CD28: variants seen among roughly 807,000 people sequenced by gnomAD.
The protein encoded by CD28 is CD28 molecule.
CD28 carries 8 observed loss-of-function variants against 21.4 expected under a neutral mutation model. The observed-to-expected ratio is 0.37, with a 90% confidence interval of 0.22 to 0.68. CD28 has a LOEUF of 0.68. Ranked by LOEUF, CD28 falls within the 30% of genes least tolerant of loss-of-function variation. The pLI is 0.55. For synonymous variants in CD28, 106 were observed against 104.0 expected (o/e 1.02, Z -0.12); for missense variants, 239 against 272.2 (o/e 0.88, Z 0.86).
At position 203,734,393 on chromosome 2, in the gene CD28, G is replaced by GA. The variant is rs572389674; in HGVS notation, c.535-386dup. Among the ~76,000 whole-genome samples, 11 of 152,310 alleles carry GA rather than the reference G, an allele frequency of 7.2e-5. No homozygotes were observed. The East Asian group carries it at 1.9e-3, about 27-fold the overall frequency. On this transcript the variant is annotated intron_variant, in intron 3 of 3. Coordinates refer to ENST00000324106, the MANE Select transcript of CD28 (RefSeq NM_006139.4). ...TGAAAGTCCTCTTCGGTTAATTATG[G>GA]AAAAACAGCTTGTTAAGCAAATGCT...
chr2:203,730,252 A>AT (rs200672863), intron 3 of CD28, among the ~76,000 whole-genome samples: 6 of 151,500 alleles, frequency 4.0e-5, no homozygotes, highest in African/African-American at 7.3e-5. Context: ...TCTGAGTCAT[A>AT]TTTTTTTTTC....
At chr2:203,734,615 T>C (rs946060778) in intron 3 of CD28, among the ~76,000 whole-genome samples, 169 bp from the exon 4 acceptor site, 10 of 152,100 alleles carry the variant, frequency 6.6e-5, no homozygotes, top group African/African-American at 2.4e-4. Context: ...ATGTGAAGAG[T>C]CAGTAGTTGG....
At position 203,736,252 on chromosome 2, in the gene CD28, T is replaced by G. The variant is rs901939985; in HGVS notation, c.*1340T>G. The stretch of plus-strand genomic sequence containing the variant: ...AGGGATGTTAGCATTCATTAGAGTA[T>G]GAGGATGAGTCCCAAGAAGGTTCTT... On this transcript the variant is annotated 3_prime_UTR_variant, in exon 4 of 4. Transcript: ENST00000324106. 6.6e-6 allele frequency: 1 copy of G among 152,576 alleles called. No individual in the cohort carries two copies. Among genetic ancestry groups the G allele is most frequent in the African/African-American group, 2.4e-5 (1 of 41,418 alleles). 9.5% of individuals were successfully genotyped at this position (152,576 alleles called of 1,614,324 possible).
At chr2:203,716,513 G>A (rs945413068) in intron 1 of CD28, among the ~76,000 whole-genome samples, 6 of 152,162 alleles carry the variant, frequency 3.9e-5, no homozygotes, top group African/African-American at 1.4e-4. Context: ...GAATGACGCT[G>A]TCACAGCAGA....
Position 203,706,667 on chromosome 2 carries a change from C to T in CD28, c.-30C>T. 6.2e-7 allele frequency: 1 copy of T among 1,614,036 alleles called. No homozygotes were observed. The highest frequency in any genetic ancestry group is 2.2e-5 in the East Asian group (1 of 44,856). Reference sequence around the variant, plus strand: ...CTTCGGGTTCCTCGGGGAGGAGGGGCTGGAACCCTAGCCCATCGTCAGGAC... The same window carrying T: ...CTTCGGGTTCCTCGGGGAGGAGGGGTTGGAACCCTAGCCCATCGTCAGGAC... On this transcript the variant is annotated 5_prime_UTR_variant, in exon 1 of 4. Transcript: ENST00000324106.
At chr2:203,721,973 G>T (rs140394450) in intron 1 of CD28, among the ~76,000 whole-genome samples, 42 of 152,148 alleles carry the variant, frequency 2.8e-4, no homozygotes, top group African/African-American at 9.9e-4. Flanking sequence ...CACTGTGTGT[G>T]CTGGGAGAGG....
At chr2:203,712,237 T>G (rs963849278) in intron 1 of CD28, among the ~76,000 whole-genome samples, 1 of 152,098 alleles carries the variant, frequency 6.6e-6, no homozygotes, top group Admixed American at 6.6e-5. Context: ...ACAAGTATTG[T>G]GTAGTACAAG....
Position 203,737,102 on chromosome 2 carries a change from C to T in CD28, c.*2190C>T, listed in dbSNP as rs199549955. The T allele has an allele frequency of 2.0e-5, 3 of 152,052 alleles. No individual in the cohort carries two copies. The highest frequency in any genetic ancestry group is 7.3e-5 in the African/African-American group (3 of 41,378). The allele number at this position is 152,052 out of a possible 1,614,324, so 9.4% of individuals were successfully genotyped here. ...TTATCTTGTAATGAAATATAAGGCA[C>T]CTCCCACTTTTATGTATAGAAAGAG... On this transcript the variant is annotated 3_prime_UTR_variant, in exon 4 of 4. Transcript: ENST00000324106.
At chr2:203,720,104 T>C (rs1212579153) in intron 1 of CD28, among the ~76,000 whole-genome samples, 2 of 152,170 alleles carry the variant, frequency 1.3e-5, no homozygotes. Flanking sequence ...AGATTATCTG[T>C]GGGAAATCTT....
intron 1 of CD28, among the ~76,000 whole-genome samples, chr2:203,721,446 C>T (rs755322852): frequency 1.3e-5 from 2 of 151,838 alleles, no homozygotes; most frequent in Admixed American, 6.6e-5. Context: ...TTCCCCAAGT[C>T]GGCCACACTC....
intron 1 of CD28, among the ~76,000 whole-genome samples, chr2:203,712,566 A>G (rs1022652894): frequency 6.6e-6 from 1 of 152,172 alleles, no homozygotes; most frequent in African/African-American, 2.4e-5. Context: ...CCACTAGACT[A>G]TGAACTCCTT....
At position 203,738,559 on chromosome 2, in the gene CD28, A is replaced by G. The variant is rs1163369249; in HGVS notation, c.*3647A>G. On this transcript the variant is annotated 3_prime_UTR_variant, in exon 4 of 4. Transcript: ENST00000324106. Reference sequence around the variant, plus strand: ...GATATATGCATACTTTCTGACATATAGGAATGTATCAGGAATACTCAACCA... The same window carrying G: ...GATATATGCATACTTTCTGACATATGGGAATGTATCAGGAATACTCAACCA... The G allele has an allele frequency of 6.6e-6, 1 of 152,186 alleles. No individual in the cohort carries two copies. The allele number at this position is 152,186 out of a possible 1,614,324, so 9.4% of individuals were successfully genotyped here. A position where few individuals can be genotyped will look rare whatever the true frequency, so the allele number is the denominator to read the frequency against.
intron 2 of CD28, 150 bp downstream of exon 2, chr2:203,727,139 C>T: frequency 1.6e-6 from 1 of 618,506 alleles, no homozygotes; most frequent in Non-Finnish European, 2.9e-6. Context: ...AAAATTTTTC[C>T]CTTTACTGTA....
At chr2:203,716,588 T>G (rs1345857772) in intron 1 of CD28, among the ~76,000 whole-genome samples, 1 of 152,226 alleles carries the variant, frequency 6.6e-6, no homozygotes, top group Non-Finnish European at 1.5e-5. Flanking sequence ...TACTCATTGA[T>G]TGTTTTTGAT....
intron 1 of CD28, among the ~76,000 whole-genome samples, chr2:203,707,163 A>G (rs899213078): frequency 3.3e-5 from 5 of 151,762 alleles, no homozygotes; most frequent in African/African-American, 7.3e-5. Context: ...TAATTTATGT[A>G]TCGTTTCTTT....
At chr2:203,716,661 T>A (rs1016950194) in intron 1 of CD28, among the ~76,000 whole-genome samples, 1 of 152,184 alleles carries the variant, frequency 6.6e-6, no homozygotes, top group East Asian at 1.9e-4. Flanking sequence ...TTTTTGCTAC[T>A]GAACTATCTG....
At chr2:203,727,686 ATT>A (rs68139062) in intron 2 of CD28, among the ~76,000 whole-genome samples, 8 of 140,394 alleles carry the variant, frequency 5.7e-5, no homozygotes, top group Non-Finnish European at 3.1e-5. Flanking sequence ...TAATTAATTA[ATT>A]TTTTTTTTTG....
intron 1 of CD28, among the ~76,000 whole-genome samples, chr2:203,710,058 C>G (rs955422650): frequency 2.6e-5 from 4 of 152,142 alleles, no homozygotes; most frequent in Non-Finnish European, 1.5e-5. Context: ...TGGTTGTATA[C>G]GGAAAGAAGT....
chr2:203,707,551 G>A (rs576369894), intron 1 of CD28, among the ~76,000 whole-genome samples: 2 of 152,166 alleles, frequency 1.3e-5, no homozygotes, highest in East Asian at 1.9e-4. Context: ...TTTTACAATC[G>A]GCCAAAATGT....
Sources: allele counts gnomAD v4.1 joint callset (sites outside exome capture counted in the v4.1 genomes callset), GRCh38; gene constraint gnomAD v4.1.1; transcripts MANE v1.5; gene names NCBI Gene and HGNC (gene_info 2026-07-23, HGNC 2026-07-21).